Variants in SNX31 observed in about 807,000 individuals in gnomAD.
SNX31 encodes the protein sorting nexin-31.
A neutral mutation model predicts 65.4 loss-of-function variants in SNX31; 58 were observed. That is an observed-to-expected ratio of 0.89 (90% CI 0.72 to 1.10). The LOEUF (loss-of-function observed/expected upper bound fraction) is 1.10, where lower values mean the gene tolerates loss of function less well. Among genes scored for constraint, SNX31 ranks in the 50% least tolerant of loss-of-function variants. The pLI, the probability that SNX31 is intolerant of heterozygous loss-of-function variation, is 0.00. For missense variants in SNX31, 523 were observed against 529.7 expected (o/e 0.99, Z 0.12); for synonymous variants, 181 against 190.1 (o/e 0.95, Z 0.39).
chr8:100,648,443 A>G lies in SNX31; in HGVS notation c.141+831T>C, dbSNP rs62513900. 0.13 allele frequency among the ~76,000 whole-genome samples: 20,128 copies of G among 151,832 alleles called. 1,826 individuals are homozygous for G. The highest frequency in any genetic ancestry group is 0.26 in the African/African-American group (10,868 of 41,316). On this transcript the variant is annotated intron_variant, in intron 2 of 13. Coordinates refer to ENST00000311812, the MANE Select transcript of SNX31 (RefSeq NM_152628.4). The surrounding 1 kb of genome is among the most constrained non-coding windows in gnomAD (Gnocchi z 4.3). ...CTCCCAAAGTATTGGGATTACAAGC[A>G]TGAGCCACGGTGCCTGGCCTATACT...
chr8:100,618,554 C>T (rs1283426418), intron 4 of SNX31: 3 of 555,522 alleles, frequency 5.4e-6, no homozygotes, highest in East Asian at 3.0e-5. Context: ...CAAGACTACC[C>T]CCTTCACATG....
rs143587412 is a variant in SNX31, at chr8:100,610,889, T to G, written c.611+1111A>C. 1.1e-4 allele frequency among the ~76,000 whole-genome samples: 17 copies of G among 152,356 alleles called. No individual in the cohort carries two copies. Among genetic ancestry groups the G allele is most frequent in the Middle Eastern group, 6.8e-3 (2 of 292 alleles). ...TCAAAATACCTTTCTTTAAAACTTC[T>G]GTACTCAGATAACAGAATAAATGGG... On this transcript the variant is annotated intron_variant, in intron 7 of 13. Transcript: ENST00000311812. The surrounding 1 kb of genome is among the most constrained non-coding windows in gnomAD (Gnocchi z 4.0).
chr8:100,591,639 C>T (rs1421426670), intron 10 of SNX31, among the ~76,000 whole-genome samples: 2 of 152,040 alleles, frequency 1.3e-5, no homozygotes, highest in Non-Finnish European at 2.9e-5. Flanking sequence ...TCAGGACCAG[C>T]CTGGGAAACA....
At chr8:100,596,878 C>T (rs1483357334) in intron 9 of SNX31, 36 bp from the exon 10 acceptor site, 2 of 1,584,100 alleles carry the variant, frequency 1.3e-6, no homozygotes, top group Admixed American at 3.3e-5. Context: ...GGAGGGGAGG[C>T]AAGAGGAAGC....
intron 8 of SNX31, among the ~76,000 whole-genome samples, chr8:100,606,481 T>C (rs1305567645): frequency 6.6e-6 from 1 of 152,234 alleles, no homozygotes; most frequent in Non-Finnish European, 1.5e-5. Context: ...TTTAGGGTCT[T>C]GATCTCTAAA....
chr8:100,650,612 G>A (rs1241631514), upstream of SNX31, among the ~76,000 whole-genome samples: 4 of 152,142 alleles, frequency 2.6e-5, no homozygotes, highest in Non-Finnish European at 4.4e-5. Flanking sequence ...TGCCTCCTGC[G>A]TGCTTGCTGG....
upstream of SNX31, among the ~76,000 whole-genome samples, chr8:100,653,033 G>A (rs886753022): frequency 1.3e-5 from 2 of 152,224 alleles, no homozygotes; most frequent in African/African-American, 4.8e-5. Context: ...GATAGGAGCT[G>A]GAAGGTTGGG....
chr8:100,646,699 G>A (rs772711664), intron 2 of SNX31, among the ~76,000 whole-genome samples: 2 of 152,090 alleles, frequency 1.3e-5, no homozygotes, highest in Admixed American at 6.5e-5. Context: ...TTTTAACCTC[G>A]ATCATGGTGG....
intron 11 of SNX31, among the ~76,000 whole-genome samples, chr8:100,587,499 C>T (rs543502750): frequency 5.9e-5 from 9 of 152,284 alleles, no homozygotes; most frequent in African/African-American, 2.2e-4. Flanking sequence ...CTACCCTGAA[C>T]ACATAATTTT....
At chr8:100,607,143 G>A (rs76260477) in intron 8 of SNX31, among the ~76,000 whole-genome samples, 1 of 152,194 alleles carries the variant, frequency 6.6e-6, no homozygotes, top group East Asian at 1.9e-4. Context: ...TGGAAAGTCT[G>A]GGAGGGGGTG....
chr8:100,644,815 C>T (rs921312357), intron 2 of SNX31, among the ~76,000 whole-genome samples: 3 of 150,936 alleles, frequency 2.0e-5, no homozygotes, highest in Non-Finnish European at 2.9e-5. Flanking sequence ...TAGGCACATG[C>T]CACCACACCT....
At chr8:100,628,473 A>G (rs1442975780) in intron 4 of SNX31, among the ~76,000 whole-genome samples, 6 of 152,118 alleles carry the variant, frequency 3.9e-5, no homozygotes, top group Admixed American at 6.5e-5. Flanking sequence ...CATCATTCTC[A>G]GCAAACTATC....
At chr8:100,618,239 A>G in intron 4 of SNX31, 2 of 1,450,648 alleles carry the variant, frequency 1.4e-6, no homozygotes, top group Non-Finnish European at 1.8e-6. Context: ...CATGAAGCTT[A>G]AAGAACTTCC....
intron 2 of SNX31, among the ~76,000 whole-genome samples, chr8:100,637,267 T>C (rs1587049213): frequency 6.6e-6 from 1 of 152,312 alleles, no homozygotes; most frequent in Middle Eastern, 3.4e-3. Flanking sequence ...AGCTTGAAGG[T>C]AAGGCACAGA....
At chr8:100,618,580 G>C (rs1306452392) in intron 4 of SNX31, 1 of 542,640 alleles carries the variant, frequency 1.8e-6, no homozygotes, top group Admixed American at 3.5e-5. Context: ...AGCAAATATG[G>C]GGCCCAAGTT....
At chr8:100,603,003 T>C (rs1463636814) in intron 8 of SNX31, among the ~76,000 whole-genome samples, 1 of 152,110 alleles carries the variant, frequency 6.6e-6, no homozygotes, top group African/African-American at 2.4e-5. Flanking sequence ...TCAGAGAGGT[T>C]ATGATGTTCA....
intron 4 of SNX31, among the ~76,000 whole-genome samples, chr8:100,623,122 G>A (rs559099758): frequency 6.6e-6 from 1 of 152,292 alleles, no homozygotes; most frequent in Non-Finnish European, 1.5e-5. Flanking sequence ...GCATGATGCT[G>A]GCATCTACTC....
At chr8:100,638,053 C>G (rs964156895) in intron 2 of SNX31, among the ~76,000 whole-genome samples, 1 of 152,130 alleles carries the variant, frequency 6.6e-6, no homozygotes, top group Admixed American at 6.5e-5. Flanking sequence ...ACCTGTAGTC[C>G]CAGCTACTTG....
At chr8:100,589,301 C>CA (rs35464482) in intron 10 of SNX31, among the ~76,000 whole-genome samples, 43,736 of 96,114 alleles carry the variant, frequency 0.46, 8,173 homozygotes, top group African/African-American at 0.53. Flanking sequence ...GACTTCGTCT[C>CA]AAAAAAAAAA....
Sources: allele counts gnomAD v4.1 joint callset (sites outside exome capture counted in the v4.1 genomes callset), GRCh38; gene constraint gnomAD v4.1.1; non-coding constraint Gnocchi (gnomAD v3.1); transcripts MANE v1.5; gene names NCBI Gene and HGNC (gene_info 2026-07-23, HGNC 2026-07-21).